The following SPINK8 variants were observed in gnomAD, a reference collection of about 807,000 sequenced individuals.
SPINK8 encodes serine peptidase inhibitor Kazal type 8 (putative).
A neutral mutation model predicts 14.4 loss-of-function variants in SPINK8; 12 were observed. That is an observed-to-expected ratio of 0.83 (90% CI 0.53 to 1.35). The LOEUF is 1.35. SPINK8 is among the 40% of genes most tolerant of loss of function. SPINK8 has a pLI of 0.00. For synonymous variants in SPINK8, 32 were observed against 37.6 expected (o/e 0.85, Z 0.55); for missense variants, 103 against 117.0 (o/e 0.88, Z 0.55).
chr3:48,309,197 C>T (rs955430762), intron 7 of SPINK8, among the ~76,000 whole-genome samples: 2 of 152,176 alleles, frequency 1.3e-5, no homozygotes, highest in Middle Eastern at 6.3e-3. Context: ...TTACCTCCTA[C>T]TGTCTTTATT....
At chr3:48,313,453 A>G (rs2035949036) in intron 6 of SPINK8, among the ~76,000 whole-genome samples, 1 of 152,202 alleles carries the variant, frequency 6.6e-6, no homozygotes, top group Non-Finnish European at 1.5e-5. Flanking sequence ...AAGGATGGAT[A>G]TAATAATATT....
chr3:48,315,857 G>A (rs2035984428), intron 6 of SPINK8, among the ~76,000 whole-genome samples: 1 of 151,656 alleles, frequency 6.6e-6, no homozygotes. Flanking sequence ...CCAAGAACCT[G>A]AATAAAAATT....
intron 4 of SPINK8, among the ~76,000 whole-genome samples, chr3:48,322,341 T>G (rs1319378961): frequency 6.6e-6 from 1 of 151,690 alleles, no homozygotes; most frequent in Non-Finnish European, 1.5e-5. Context: ...TGTTTCTTTT[T>G]GTTTTTTTTT....
intron 2 of SPINK8, among the ~76,000 whole-genome samples, chr3:48,330,156 G>T (rs1243723664): frequency 6.6e-6 from 1 of 152,034 alleles, no homozygotes; most frequent in African/African-American, 2.4e-5. Flanking sequence ...CAGAATTTTT[G>T]CTTTTAATCC....
At chr3:48,309,335 T>TC (rs781144755) in intron 7 of SPINK8, among the ~76,000 whole-genome samples, 6 of 152,340 alleles carry the variant, frequency 3.9e-5, no homozygotes, top group Non-Finnish European at 7.3e-5. Flanking sequence ...TCTCTAGACC[T>TC]AGGGCTCCGG....
At chr3:48,325,870 T>A (rs956513535) in intron 4 of SPINK8, among the ~76,000 whole-genome samples, 2 of 151,990 alleles carry the variant, frequency 1.3e-5, no homozygotes, top group African/African-American at 4.8e-5. Flanking sequence ...AGTGCTGGGA[T>A]TACAGGCATG....
At chr3:48,315,140 C>CA (rs1174515550) in intron 6 of SPINK8, among the ~76,000 whole-genome samples, 3 of 152,114 alleles carry the variant, frequency 2.0e-5, no homozygotes, top group African/African-American at 7.2e-5. Flanking sequence ...CCATACATGA[C>CA]AAAAAATGCA....
intron 6 of SPINK8, among the ~76,000 whole-genome samples, chr3:48,315,253 T>C (rs2035970996): frequency 6.6e-6 from 1 of 151,996 alleles, no homozygotes; most frequent in Non-Finnish European, 1.5e-5. Flanking sequence ...ATTTCCAGAG[T>C]TGCCACATTA....
At chr3:48,320,920 C>T in intron 5 of SPINK8, 105 bp downstream of exon 5, 1 of 1,110,696 alleles carries the variant, frequency 9.0e-7, no homozygotes, top group Non-Finnish European at 1.3e-6. Flanking sequence ...TATTCCCATG[C>T]AAGCCCCCTC....
chr3:48,315,119 C>A (rs191571375), intron 6 of SPINK8, among the ~76,000 whole-genome samples: 1 of 152,152 alleles, frequency 6.6e-6, no homozygotes, highest in Non-Finnish European at 1.5e-5. Context: ...TGAGTAGGAC[C>A]AGATCAATGG....
chr3:48,332,029 G>T (rs1223428583), intron 2 of SPINK8, among the ~76,000 whole-genome samples: 3 of 152,206 alleles, frequency 2.0e-5, no homozygotes, highest in Non-Finnish European at 4.4e-5. Context: ...GGGCCTTCCA[G>T]TGATACCCTT....
intron 4 of SPINK8, among the ~76,000 whole-genome samples, chr3:48,327,283 T>C: frequency 6.6e-6 from 1 of 152,234 alleles, no homozygotes; most frequent in East Asian, 1.9e-4. Context: ...ACTGAGGAAG[T>C]CACTGTTGTG....
At chr3:48,317,775 T>G (rs2036013665) in intron 6 of SPINK8, among the ~76,000 whole-genome samples, 1 of 147,958 alleles carries the variant, frequency 6.8e-6, no homozygotes, top group Non-Finnish European at 1.5e-5. Flanking sequence ...TCAAAAGAAC[T>G]TTGCTCTGTT....
At chr3:48,324,979 G>T (rs992808129) in intron 4 of SPINK8, among the ~76,000 whole-genome samples, 3 of 152,056 alleles carry the variant, frequency 2.0e-5, no homozygotes, top group Non-Finnish European at 4.4e-5. Flanking sequence ...TTATTTTTAG[G>T]TGCATATATG....
At chr3:48,332,541 G>A (rs2036278092) in intron 1 of SPINK8, among the ~76,000 whole-genome samples, 70 bp from the exon 2 acceptor site, 1 of 152,150 alleles carries the variant, frequency 6.6e-6, no homozygotes, top group Non-Finnish European at 1.5e-5. Flanking sequence ...CTTCTAGCAT[G>A]CAAGTTAGCA....
At chr3:48,318,682 C>T (rs1368625595) in intron 6 of SPINK8, among the ~76,000 whole-genome samples, 1 of 152,174 alleles carries the variant, frequency 6.6e-6, no homozygotes. Flanking sequence ...CAAGAAAGTC[C>T]GATCCTGCCC....
chr3:48,322,455 C>T (rs140052087), intron 4 of SPINK8, among the ~76,000 whole-genome samples: 7 of 152,108 alleles, frequency 4.6e-5, no homozygotes, highest in Non-Finnish European at 8.8e-5. Context: ...CCTGTCTCAG[C>T]CTTCCAAATA....
intron 6 of SPINK8, among the ~76,000 whole-genome samples, chr3:48,311,078 C>CA (rs144096295): frequency 0.24 from 35,599 of 148,834 alleles, 4,489 homozygotes; most frequent in South Asian, 0.29. Context: ...CAGAGCGTTT[C>CA]AAAAAAAAAA....
intron 7 of SPINK8, among the ~76,000 whole-genome samples, chr3:48,307,660 G>A (rs906771896): frequency 1.0e-4 from 15 of 150,578 alleles, no homozygotes; most frequent in African/African-American, 3.2e-4. Context: ...GGCTCTTAAT[G>A]CAATTATATA....
Sources: allele counts gnomAD v4.1 joint callset (sites outside exome capture counted in the v4.1 genomes callset), GRCh38; gene constraint gnomAD v4.1.1; transcripts MANE v1.5; gene names NCBI Gene and HGNC (gene_info 2026-07-23, HGNC 2026-07-21).